Variants in PAK1 observed in about 807,000 individuals in gnomAD.
The protein encoded by PAK1 is serine/threonine-protein kinase PAK 1.
A neutral mutation model predicts 67.4 loss-of-function variants in PAK1; 29 were observed. The ratio of observed to expected loss-of-function variants is 0.43; its 90% CI spans 0.32 to 0.59. The LOEUF is 0.59. Among genes scored for constraint, PAK1 ranks in the 20% least tolerant of loss-of-function variants. The pLI is 0.07. For synonymous variants in PAK1, 223 were observed against 237.4 expected (o/e 0.94, Z 0.56); for missense variants, 337 against 670.7 (o/e 0.50, Z 5.50).
chr11:77,421,881 G>C (rs1198144896), intron 1 of PAK1, among the ~76,000 whole-genome samples: 1 of 152,180 alleles, frequency 6.6e-6, no homozygotes, highest in Non-Finnish European at 1.5e-5. Flanking sequence ...CACAATCTCT[G>C]AGGTATTAAC....
At chr11:77,331,640 T>G (rs1267976984) in intron 14 of PAK1, among the ~76,000 whole-genome samples, 1 of 151,812 alleles carries the variant, frequency 6.6e-6, no homozygotes, top group Non-Finnish European at 1.5e-5. Flanking sequence ...TGTTGTGGGG[T>G]CAGGGGAGGG....
chr11:77,421,163 TACTTC>T (rs1955240648), intron 1 of PAK1, among the ~76,000 whole-genome samples: 1 of 152,192 alleles, frequency 6.6e-6, no homozygotes, highest in Non-Finnish European at 1.5e-5. Context: ...CTCACCCTGC[TACTTC>T]ACTGACCTTA....
intron 1 of PAK1, among the ~76,000 whole-genome samples, chr11:77,412,953 C>T (rs142848312): frequency 5.3e-5 from 8 of 152,300 alleles, no homozygotes; most frequent in Admixed American, 1.3e-4. Flanking sequence ...TTTACCAACA[C>T]GGCCCAGACT....
intron 1 of PAK1, among the ~76,000 whole-genome samples, chr11:77,402,596 G>A (rs1434022837): frequency 1.3e-5 from 2 of 152,072 alleles, no homozygotes; most frequent in Admixed American, 6.5e-5. Context: ...ATAAAGTTGA[G>A]GCCCTTACAA....
chr11:77,387,931 C>G (rs987295433), intron 2 of PAK1, among the ~76,000 whole-genome samples: 2 of 152,184 alleles, frequency 1.3e-5, no homozygotes, highest in Non-Finnish European at 2.9e-5. Flanking sequence ...ACTGGTTGAT[C>G]AAAGGCTCCA....
intron 11 of PAK1, among the ~76,000 whole-genome samples, chr11:77,338,779 A>G (rs972395213): frequency 1.6e-4 from 25 of 152,212 alleles, no homozygotes; most frequent in Non-Finnish European, 3.4e-4. Context: ...AAAATGGATG[A>G]ATCTTTGAAA....
chr11:77,405,475 T>A (rs948135827), intron 1 of PAK1, among the ~76,000 whole-genome samples: 1 of 151,454 alleles, frequency 6.6e-6, no homozygotes, highest in Non-Finnish European at 1.5e-5. Context: ...TGATTGGCAA[T>A]AGGGGGAGAG....
the PAK1 span, among the ~76,000 whole-genome samples, chr11:77,480,284 CTT>C: frequency 2.6e-5 from 4 of 151,292 alleles, no homozygotes; most frequent in African/African-American, 9.7e-5. Context: ...AGAGGCTTTT[CTT>C]TTTTTTTTAA....
At chr11:77,499,099 A>G in the PAK1 span, among the ~76,000 whole-genome samples, 1 of 151,908 alleles carries the variant, frequency 6.6e-6, no homozygotes, top group Non-Finnish European at 1.5e-5. Flanking sequence ...GAAGGTCTTT[A>G]ACTTTTCATA....
chr11:77,439,048 T>C (rs1030115495), intron 1 of PAK1, among the ~76,000 whole-genome samples: 1 of 152,166 alleles, frequency 6.6e-6, no homozygotes, highest in African/African-American at 2.4e-5. Flanking sequence ...CCTAAGCCTG[T>C]TTCCTCATGT....
upstream of PAK1, chr11:77,475,365 T>C (rs1219616214): frequency 1.3e-5 from 2 of 152,200 alleles, no homozygotes; most frequent in Non-Finnish European, 2.9e-5. Flanking sequence ...ACTCAATCTA[T>C]TTTTCTCACT....
chr11:77,382,892 G>A (rs1426327065), intron 2 of PAK1, among the ~76,000 whole-genome samples: 1 of 152,170 alleles, frequency 6.6e-6, no homozygotes, highest in Non-Finnish European at 1.5e-5. Context: ...CAGCTACTCA[G>A]GAGGCTGAAG....
chr11:77,353,878 C>A (rs1018542998), intron 7 of PAK1, among the ~76,000 whole-genome samples: 2 of 152,040 alleles, frequency 1.3e-5, no homozygotes, highest in Non-Finnish European at 2.9e-5. Flanking sequence ...TCATTTAATA[C>A]GCACCAAGCC....
chr11:77,325,199 TA>T, intron 14 of PAK1: 1 of 1,062,022 alleles, frequency 9.4e-7, no homozygotes, highest in South Asian at 1.8e-5. Context: ...CTCTGTCTAA[TA>T]AACAAAACAG....
At chr11:77,405,183 G>A (rs146614776) in intron 1 of PAK1, among the ~76,000 whole-genome samples, 5 of 152,258 alleles carry the variant, frequency 3.3e-5, no homozygotes, top group African/African-American at 9.6e-5. Flanking sequence ...AAAAAGACTG[G>A]CAAGACTAAA....
At chr11:77,426,693 GAGTT>G (rs1401061405) in intron 1 of PAK1, among the ~76,000 whole-genome samples, 1 of 152,128 alleles carries the variant, frequency 6.6e-6, no homozygotes, top group Non-Finnish European at 1.5e-5. Flanking sequence ...ATCAAAATAA[GAGTT>G]AGTCTTGTAG....
intron 1 of PAK1, among the ~76,000 whole-genome samples, chr11:77,461,870 T>C (rs751359402): frequency 9.2e-5 from 14 of 152,178 alleles, no homozygotes; most frequent in African/African-American, 1.4e-4. Context: ...TTTTGAAACA[T>C]TGCCTTCGAT....
chr11:77,370,751 T>C, intron 5 of PAK1, among the ~76,000 whole-genome samples: 1 of 152,198 alleles, frequency 6.6e-6, no homozygotes, highest in East Asian at 1.9e-4. Flanking sequence ...TTAAGAAATT[T>C]GAGATAGCAA....
chr11:77,410,900 T>A (rs897240884), intron 1 of PAK1, among the ~76,000 whole-genome samples: 2 of 152,158 alleles, frequency 1.3e-5, no homozygotes, highest in African/African-American at 4.8e-5. Context: ...CAGCCAGGTC[T>A]GTCATTAACT....
Sources: allele counts gnomAD v4.1 joint callset (sites outside exome capture counted in the v4.1 genomes callset), GRCh38; gene constraint gnomAD v4.1.1; transcripts MANE v1.5; gene names NCBI Gene and HGNC (gene_info 2026-07-23, HGNC 2026-07-21).